Variants in RTL4 observed in about 807,000 individuals in gnomAD.
The protein encoded by RTL4 is retrotransposon Gag like 4, also known as retrotransposon Gag-like protein 4.
Under a neutral mutation model 5.3 loss-of-function variants are expected in RTL4, and 4 were observed. The ratio of observed to expected loss-of-function variants is 0.75; its 90% CI spans 0.37 to 1.72. The LOEUF (loss-of-function observed/expected upper bound fraction) is 1.72. Ranked by LOEUF, RTL4 falls within the 40% of genes most tolerant of loss-of-function variation. The probability of loss-of-function intolerance (pLI) is 0.04; values close to 1 mark genes in which losing one functional copy is unlikely to be tolerated. For synonymous variants in RTL4, 98 were observed against 87.3 expected (o/e 1.12, Z -0.68); for missense variants, 260 against 227.1 (o/e 1.14, Z -0.93).
the RTL4 span, among the ~76,000 whole-genome samples, chrX:112,093,160 C>G: frequency 9.0e-5 from 10 of 111,370 alleles, no homozygotes; most frequent in African/African-American, 3.3e-4. Flanking sequence ...ATTCATTGCT[C>G]CACACCTGGA....
the RTL4 span, among the ~76,000 whole-genome samples, chrX:112,321,319 C>T: frequency 2.0e-3 from 226 of 111,112 alleles, no homozygotes; most frequent in African/African-American, 6.7e-3. Flanking sequence ...GGGCGGATCA[C>T]GAGGTCAAGC....
At chrX:112,392,807 G>A in the RTL4 span, among the ~76,000 whole-genome samples, 1 of 112,046 alleles carries the variant, frequency 8.9e-6, no homozygotes, top group Non-Finnish European at 1.9e-5. Flanking sequence ...AGGAGGAATG[G>A]GATTGAATAC....
the RTL4 span, among the ~76,000 whole-genome samples, chrX:112,303,026 G>C: frequency 1.8e-5 from 2 of 111,886 alleles, no homozygotes; most frequent in South Asian, 7.5e-4. Flanking sequence ...CCTTGTGCAT[G>C]ATCATTCTCA....
the RTL4 span, among the ~76,000 whole-genome samples, chrX:112,373,716 A>T: frequency 1.2e-4 from 13 of 109,432 alleles, no homozygotes; most frequent in Admixed American, 3.9e-4. Flanking sequence ...ATATACCAGA[A>T]CAATCAAGGT....
At chrX:112,151,533 T>C in the RTL4 span, among the ~76,000 whole-genome samples, 15 of 111,957 alleles carry the variant, frequency 1.3e-4, no homozygotes, top group Non-Finnish European at 2.8e-4. Context: ...AACAAAAACA[T>C]TTGTGCTACT....
the RTL4 span, among the ~76,000 whole-genome samples, chrX:112,294,387 A>G: frequency 1.8e-5 from 2 of 111,481 alleles, no homozygotes; most frequent in African/African-American, 6.5e-5. Context: ...ATTTGAGGTC[A>G]GGAGTTTGAG....
the RTL4 span, among the ~76,000 whole-genome samples, chrX:112,319,570 C>CT: frequency 9.0e-6 from 1 of 111,036 alleles, no homozygotes; most frequent in East Asian, 2.8e-4. Flanking sequence ...ATTTATACAC[C>CT]CAGATAACTG....
chrX:112,181,869 C>T, the RTL4 span, among the ~76,000 whole-genome samples: 2 of 111,792 alleles, frequency 1.8e-5, no homozygotes, highest in African/African-American at 6.5e-5. Flanking sequence ...GTCCCTGACC[C>T]GTGCTCCTCC....
chrX:112,267,213 C>A, the RTL4 span, among the ~76,000 whole-genome samples: 1 of 111,960 alleles, frequency 8.9e-6, no homozygotes, highest in African/African-American at 3.2e-5. Flanking sequence ...CCCCAATTTT[C>A]TTTGGAGCCC....
the RTL4 span, among the ~76,000 whole-genome samples, chrX:112,355,209 C>T: frequency 2.7e-5 from 3 of 111,294 alleles, no homozygotes; most frequent in Non-Finnish European, 3.8e-5. Flanking sequence ...AACAACACTT[C>T]GAATTATTGA....
the RTL4 span, among the ~76,000 whole-genome samples, chrX:112,278,932 GAGC>G: frequency 9.0e-6 from 1 of 111,532 alleles, no homozygotes; most frequent in Admixed American, 9.6e-5. Flanking sequence ...AACATTTAGA[GAGC>G]AGCTGCAATG....
chrX:112,153,886 C>G, the RTL4 span, among the ~76,000 whole-genome samples: 9,079 of 110,836 alleles, frequency 0.082, 911 homozygotes, highest in African/African-American at 0.28. Flanking sequence ...CATCAAATTA[C>G]GGAAGGTTTC....
At chrX:112,385,843 C>G in the RTL4 span, among the ~76,000 whole-genome samples, 1 of 111,857 alleles carries the variant, frequency 8.9e-6, no homozygotes, top group East Asian at 2.8e-4. Context: ...TTTAAACATT[C>G]CTTTTAAGCA....
the RTL4 span, among the ~76,000 whole-genome samples, chrX:112,361,481 C>G: frequency 9.0e-6 from 1 of 111,135 alleles, no homozygotes; most frequent in African/African-American, 3.3e-5. Context: ...CTTTTTATTT[C>G]AAGACTGAGA....
the RTL4 span, among the ~76,000 whole-genome samples, chrX:112,349,537 A>G: frequency 9.5e-6 from 1 of 105,271 alleles, no homozygotes; most frequent in South Asian, 4.5e-4. Flanking sequence ...CTTTTATTTC[A>G]TTGAGCAGTG....
the RTL4 span, among the ~76,000 whole-genome samples, chrX:112,243,400 C>T: frequency 9.0e-6 from 1 of 111,270 alleles, no homozygotes; most frequent in Non-Finnish European, 1.9e-5. Flanking sequence ...TTCAGGGATT[C>T]TACTTCTTCC....
chrX:112,128,659 C>CAAAAAAAA, the RTL4 span, among the ~76,000 whole-genome samples: 3 of 41,122 alleles, frequency 7.3e-5, no homozygotes, highest in African/African-American at 1.2e-4. Flanking sequence ...CTCTGTCTCA[C>CAAAAAAAA]AAAAAAAAAA....
chrX:112,424,137 T>G, the RTL4 span, among the ~76,000 whole-genome samples: 2 of 111,966 alleles, frequency 1.8e-5, no homozygotes, highest in Non-Finnish European at 3.8e-5. Context: ...ACTTAATACT[T>G]GTAGACTTAA....
chrX:112,407,684 G>A, the RTL4 span, among the ~76,000 whole-genome samples: 10 of 112,349 alleles, frequency 8.9e-5, no homozygotes, highest in East Asian at 2.8e-3. Context: ...AGTGGTTATA[G>A]CAAGCCTTGT....
Sources: gnomAD v4.1 joint callset for allele counts (sites outside exome capture counted in the v4.1 genomes callset) on GRCh38, gnomAD v4.1.1 for gene constraint, MANE v1.5 for transcripts, NCBI Gene and HGNC (gene_info 2026-07-23, HGNC 2026-07-21) for gene names.